SCAF8: variants seen among roughly 807,000 people sequenced by gnomAD.
The protein encoded by SCAF8 is SR-related CTD associated factor 8, also known as SR-related and CTD-associated factor 8.
SCAF8 carries 23 observed loss-of-function variants against 140.5 expected under a neutral mutation model. The observed-to-expected ratio is 0.16, with a 90% CI of 0.12 to 0.23. The LOEUF (loss-of-function observed/expected upper bound fraction) is 0.23. Ranked by LOEUF, SCAF8 falls within the 10% of genes least tolerant of loss-of-function variation. The pLI is 1.00. For missense variants in SCAF8, 1,397 were observed against 1,555.7 expected (o/e 0.90, Z 1.72); for synonymous variants, 575 against 528.9 (o/e 1.09, Z -1.20).
At chr6:154,767,634 G>A (rs797002271) in intron 1 of SCAF8, among the ~76,000 whole-genome samples, 19 of 149,890 alleles carry the variant, frequency 1.3e-4, no homozygotes, top group African/African-American at 4.7e-4. Context: ...GTGCCTCCTG[G>A]GCTCAAGTGA....
In SCAF8 at chr6:154,809,910, A is replaced by G. The variant is rs998900046; in HGVS notation, c.1227-105A>G. On this transcript the variant is annotated intron_variant, in intron 11 of 19. Transcript: ENST00000367178. ...AGAATATTTTAACATATTGTCACTA[A>G]ATATAAGACAACTTTTTTGTTATTG... The G allele has an allele frequency of 3.2e-6, 3 of 930,544 alleles. No individual in the cohort carries two copies. In the African/African-American group the frequency reaches 5.0e-5, roughly 16 times the overall value. 57.6% of individuals were successfully genotyped at this position (930,544 alleles called of 1,614,324 possible). A position where few individuals can be genotyped will look rare whatever the true frequency, so the allele number is the denominator to read the frequency against.
chr6:154,792,010 TA>T (rs1402020831), intron 4 of SCAF8, among the ~76,000 whole-genome samples: 24 of 152,172 alleles, frequency 1.6e-4, no homozygotes, highest in African/African-American at 4.6e-4. Flanking sequence ...TATTTTTTAT[TA>T]TTTTTTTTAA....
chr6:154,821,660 A>G (rs944360723), intron 15 of SCAF8, among the ~76,000 whole-genome samples: 1 of 152,174 alleles, frequency 6.6e-6, no homozygotes, highest in Non-Finnish European at 1.5e-5. Flanking sequence ...AGTATTCTAT[A>G]TGGAGGGAAC....
chr6:154,822,177 A>G, intron 15 of SCAF8, 99 bp from the exon 16 acceptor site: 1 of 1,255,510 alleles, frequency 8.0e-7, no homozygotes, highest in Non-Finnish European at 1.1e-6. Context: ...AGATGTGCCA[A>G]GGTAGATGAA....
Position 154,833,041 on chromosome 6 carries a change from A to T in SCAF8, c.3462A>T (p.Arg1154Ser), listed in dbSNP as rs1372067748. Residue 1154 changes from arginine (R) to serine (S), a missense_variant, in exon 20 of 20, where the codon AGA (arginine) becomes AGT (serine). Coordinates refer to ENST00000367178, the MANE Select transcript of SCAF8 (RefSeq NM_014892.5). ...ACAGAGATTTTGATGACCGCAGAAGACCCTGGGAGAGGCAAAGGGATAGGG... is the reference window on the plus strand; with the variant it reads ...ACAGAGATTTTGATGACCGCAGAAGTCCCTGGGAGAGGCAAAGGGATAGGG... ...EVHRDFDDRR[R>S]PWERQRDRDD... 1 of 1,614,082 alleles carries T rather than the reference A, an allele frequency of 6.2e-7. No homozygotes were observed. The highest frequency in any genetic ancestry group is 8.5e-7 in the Non-Finnish European group (1 of 1,180,020).
chr6:154,782,674 G>A (rs961143572), intron 3 of SCAF8, among the ~76,000 whole-genome samples: 3 of 152,122 alleles, frequency 2.0e-5, no homozygotes, highest in Admixed American at 6.6e-5. Flanking sequence ...TCCCACAGCA[G>A]GCTGTCTGCA....
At chr6:154,821,926 G>C (rs905740259) in intron 15 of SCAF8, among the ~76,000 whole-genome samples, 2 of 152,172 alleles carry the variant, frequency 1.3e-5, no homozygotes, top group Non-Finnish European at 2.9e-5. Flanking sequence ...TACTCTCCTA[G>C]TTGGTCTTCC....
chr6:154,816,285 C>CT (rs1189723288), intron 13 of SCAF8, among the ~76,000 whole-genome samples: 10 of 152,172 alleles, frequency 6.6e-5, no homozygotes, highest in Non-Finnish European at 1.5e-4. Flanking sequence ...CTTTTACTCT[C>CT]TTTTTTATCA....
Position 154,833,089 on chromosome 6 carries a change from C to T in SCAF8, c.3510C>T (p.Cys1170=). Residue 1170 remains cysteine (C), a synonymous_variant, in exon 20 of 20, where the codon TGC becomes TGT. Transcript: ENST00000367178. Reference sequence around the variant, plus strand: ...GGGATGACAGAGATTTTGATTTCTGCAGAGAAATGAATGGAAATCGTCTTG... The same window carrying T: ...GGGATGACAGAGATTTTGATTTCTGTAGAGAAATGAATGGAAATCGTCTTG... ...RDRDDRDFDF[C]REMNGNRLGR... The T allele has an allele frequency of 1.2e-6, 2 of 1,614,008 alleles. No homozygotes were observed. The highest frequency in any genetic ancestry group is 1.7e-6 in the Non-Finnish European group (2 of 1,179,972).
At position 154,748,462 on chromosome 6, in the gene SCAF8, A is replaced by G. The variant is rs186822325; in HGVS notation, c.30+14532A>G. On this transcript the variant is annotated intron_variant, in intron 1 of 19. Coordinates refer to ENST00000367178, the MANE Select transcript of SCAF8 (RefSeq NM_014892.5). Reference sequence around the variant, plus strand: ...CTCAAGAACTGTTTGCAGATTATCCATCTTGTCTCTGGCTGAATATGAGCA... The same window carrying G: ...CTCAAGAACTGTTTGCAGATTATCCGTCTTGTCTCTGGCTGAATATGAGCA... Among the ~76,000 whole-genome samples, 1,218 of 152,306 alleles carry G rather than the reference A, an allele frequency of 8.0e-3. 12 individuals carry two copies. Among genetic ancestry groups the G allele is most frequent in the African/African-American group, 0.027 (1,142 of 41,548 alleles).
At chr6:154,745,358 A>G (rs935553482) in intron 1 of SCAF8, among the ~76,000 whole-genome samples, 3 of 152,104 alleles carry the variant, frequency 2.0e-5, no homozygotes, top group African/African-American at 7.2e-5. Flanking sequence ...ATTAATAGGG[A>G]TGTAGAGCTT....
intron 3 of SCAF8, among the ~76,000 whole-genome samples, chr6:154,779,758 G>GGT (rs199543298): frequency 0.058 from 8,562 of 147,212 alleles, 304 homozygotes; most frequent in Non-Finnish European, 0.085. Context: ...GTTAAAATAA[G>GGT]GTGTGTGTGT....
chr6:154,813,125 T>G (rs547012023), intron 12 of SCAF8, among the ~76,000 whole-genome samples: 2 of 151,940 alleles, frequency 1.3e-5, no homozygotes, highest in Non-Finnish European at 2.9e-5. Flanking sequence ...GAATCACTTG[T>G]GCCTAGGAGG....
intron 10 of SCAF8, 95 bp from the exon 11 acceptor site, chr6:154,808,591 C>G (rs1188173701): frequency 1.3e-6 from 1 of 783,618 alleles, no homozygotes; most frequent in African/African-American, 1.7e-5. Flanking sequence ...GGCATTAATG[C>G]TCCCATCGTC....
At chr6:154,780,523 C>T (rs527399533) in intron 3 of SCAF8, among the ~76,000 whole-genome samples, 4 of 151,864 alleles carry the variant, frequency 2.6e-5, no homozygotes, top group South Asian at 2.1e-4. Context: ...TCCCTCCCCT[C>T]GTCCCCCACC....
chr6:154,771,014 G>C (rs1279025225), intron 1 of SCAF8, among the ~76,000 whole-genome samples: 1 of 152,068 alleles, frequency 6.6e-6, no homozygotes, highest in Non-Finnish European at 1.5e-5. Context: ...CAAAGTGCTG[G>C]GATTACAGGT....
intron 12 of SCAF8, among the ~76,000 whole-genome samples, chr6:154,814,918 T>C (rs1235875007): frequency 1.3e-5 from 2 of 152,198 alleles, no homozygotes; most frequent in Admixed American, 6.5e-5. Context: ...AAGGATTGTT[T>C]CCTTAAGGAT....
intron 18 of SCAF8, among the ~76,000 whole-genome samples, chr6:154,829,988 A>G (rs926572235): frequency 1.3e-5 from 2 of 152,200 alleles, no homozygotes; most frequent in Non-Finnish European, 2.9e-5. Flanking sequence ...TGAAAATTAG[A>G]CAAAGTGTTC....
chr6:154,810,632 C>G (rs1240224073), intron 12 of SCAF8, among the ~76,000 whole-genome samples: 1 of 152,172 alleles, frequency 6.6e-6, no homozygotes, highest in Non-Finnish European at 1.5e-5. Context: ...GTTAGCACTA[C>G]AGGATAATTC....
Sources: gnomAD v4.1 joint callset for allele counts (sites outside exome capture counted in the v4.1 genomes callset) on GRCh38, gnomAD v4.1.1 for gene constraint, MANE v1.5 for transcripts, NCBI Gene and HGNC (gene_info 2026-07-23, HGNC 2026-07-21) for gene names.